The following SLC25A48 variants were observed in gnomAD, a reference collection of about 807,000 sequenced individuals.
SLC25A48 encodes solute carrier family 25 member 48, also known as CTC-321K16.1.
Under a neutral mutation model 32.2 loss-of-function variants are expected in SLC25A48, and 29 were observed. The ratio of observed to expected loss-of-function variants is 0.90; its 90% CI spans 0.67 to 1.23. The LOEUF (loss-of-function observed/expected upper bound fraction) is 1.23, where lower values mean the gene tolerates loss of function less well. Ranked by LOEUF, SLC25A48 falls within the 50% of genes most tolerant of loss-of-function variation. The probability of loss-of-function intolerance (pLI) is 0.00; values close to 1 mark genes in which losing one functional copy is unlikely to be tolerated. For synonymous variants in SLC25A48, 164 were observed against 172.3 expected, an observed-to-expected ratio of 0.95 and a Z score of 0.38; for missense variants, 399 against 422.7, an observed-to-expected ratio of 0.94 and a Z score of 0.49.
intron 3 of SLC25A48, among the ~76,000 whole-genome samples, chr5:135,681,493 A>G (rs1753896576): frequency 6.6e-6 from 1 of 152,146 alleles, no homozygotes; most frequent in South Asian, 2.1e-4. Context: ...AATGGTAATA[A>G]CCTTTTAAAT....
At chr5:135,593,211 G>A (rs1188476465) in intron 1 of SLC25A48, among the ~76,000 whole-genome samples, 1 of 152,110 alleles carries the variant, frequency 6.6e-6, no homozygotes, top group African/African-American at 2.4e-5. Flanking sequence ...GGCTGATGGA[G>A]TCCTCAGTGT....
intron 1 of SLC25A48, among the ~76,000 whole-genome samples, chr5:135,611,522 A>G (rs541583291): frequency 8.3e-5 from 12 of 143,910 alleles, no homozygotes; most frequent in South Asian, 6.6e-4. Context: ...AAAAAAAAAA[A>G]AAAAAGAAAA....
chr5:135,654,641 T>C (rs1753199719), intron 3 of SLC25A48, among the ~76,000 whole-genome samples: 1 of 152,244 alleles, frequency 6.6e-6, no homozygotes, highest in Non-Finnish European at 1.5e-5. Context: ...TTGGCTGTGC[T>C]ACACTACCCA....
intron 6 of SLC25A48, chr5:135,875,231 A>G (rs541598633): frequency 5.9e-5 from 9 of 152,634 alleles, no homozygotes; most frequent in Non-Finnish European, 1.2e-4. Context: ...GTCCGCTGCC[A>G]TTCCCAGGAT....
chr5:135,668,600 C>T (rs1753577214), intron 3 of SLC25A48, among the ~76,000 whole-genome samples: 1 of 152,162 alleles, frequency 6.6e-6, no homozygotes. Context: ...TGATGTTTTC[C>T]TTGAAGGACT....
At chr5:135,642,293 TAGAGC>T (rs1271332379) in intron 3 of SLC25A48, among the ~76,000 whole-genome samples, 2 of 152,190 alleles carry the variant, frequency 1.3e-5, no homozygotes, top group Non-Finnish European at 2.9e-5. Flanking sequence ...AAGGCAAAGG[TAGAGC>T]TTGGGATGAA....
At chr5:135,653,714 C>T (rs1042128880) in intron 3 of SLC25A48, 1 of 432,814 alleles carries the variant, frequency 2.3e-6, no homozygotes, top group South Asian at 1.7e-5. Flanking sequence ...TCTCCACTCC[C>T]CATAAGCTTC....
intron 3 of SLC25A48, among the ~76,000 whole-genome samples, chr5:135,731,986 A>G (rs1323743280): frequency 1.3e-5 from 2 of 152,264 alleles, no homozygotes; most frequent in African/African-American, 4.8e-5. Context: ...TTTGGGGTGC[A>G]GTCCAAGTTG....
chr5:135,789,765 T>G lies in SLC25A48; in HGVS notation c.-520-22758T>G, dbSNP rs1580882523. 2.6e-5 allele frequency among the ~76,000 whole-genome samples: 4 copies of G among 152,138 alleles called. No homozygotes were observed. In the South Asian group the frequency reaches 8.3e-4, roughly 31 times the overall value. On this transcript the variant is annotated intron_variant, in intron 3 of 10. Transcript: ENST00000646290. ...GGATAGCCTGGTATTACTTCTCGATTGTACCTTGCGATATGGGGAGTAAAA... is the reference window on the plus strand; with the variant it reads ...GGATAGCCTGGTATTACTTCTCGATGGTACCTTGCGATATGGGGAGTAAAA...
chr5:135,786,722 A>G (rs1756857683), intron 3 of SLC25A48, among the ~76,000 whole-genome samples: 1 of 151,688 alleles, frequency 6.6e-6, no homozygotes, highest in African/African-American at 2.4e-5. Context: ...TGTTTGTAAT[A>G]TCCTGGCGAG....
chr5:135,742,288 C>A (rs1755517362), intron 3 of SLC25A48, among the ~76,000 whole-genome samples: 1 of 152,164 alleles, frequency 6.6e-6, no homozygotes, highest in African/African-American at 2.4e-5. Flanking sequence ...GCCATGTTGG[C>A]CAGGCTGATC....
chr5:135,805,641 C>A (rs1334044559), intron 3 of SLC25A48, among the ~76,000 whole-genome samples: 1 of 151,380 alleles, frequency 6.6e-6, no homozygotes, highest in Non-Finnish European at 1.5e-5. Flanking sequence ...AGATATTGCT[C>A]CTAATATCAC....
intron 3 of SLC25A48, among the ~76,000 whole-genome samples, chr5:135,777,068 G>T (rs370586689): frequency 6.6e-6 from 1 of 151,618 alleles, no homozygotes; most frequent in Non-Finnish European, 1.5e-5. Context: ...TCCCAATATC[G>T]CAGGGGTTGT....
intron 3 of SLC25A48, chr5:135,650,265 C>T (rs1753075305): frequency 2.6e-6 from 1 of 383,828 alleles, no homozygotes; most frequent in Middle Eastern, 7.4e-4. Flanking sequence ...ACACTGTAGA[C>T]AATTGCTACT....
At chr5:135,841,074 A>G (rs1437667131) in intron 1 of SLC25A48, among the ~76,000 whole-genome samples, 1 of 152,188 alleles carries the variant, frequency 6.6e-6, no homozygotes, top group Non-Finnish European at 1.5e-5. Flanking sequence ...ATCCTTGCCA[A>G]CAGTTCTTTT....
chr5:135,875,782 G>A (rs1182091158), intron 6 of SLC25A48: 1 of 152,212 alleles, frequency 6.6e-6, no homozygotes, highest in East Asian at 1.9e-4. Flanking sequence ...AAGTACAGTG[G>A]GTAGAATAAG....
intron 3 of SLC25A48, among the ~76,000 whole-genome samples, chr5:135,636,972 G>A (rs570695045): frequency 2.1e-4 from 28 of 130,558 alleles, no homozygotes; most frequent in African/African-American, 4.0e-4. Context: ...GTGGGTATCC[G>A]TTACGAGTAG....
Position 135,615,702 on chromosome 5 carries a change from A to G in SLC25A48, c.-848-13535A>G, listed in dbSNP as rs558934297. On this transcript the variant is annotated intron_variant, in intron 1 of 10. Transcript: ENST00000646290. ...AATTCAAGCCAGCTGCATAGTTTGC[A>G]TAACTGAAGTTTGCATAACTGAAGT... Among the ~76,000 whole-genome samples, 6 of 152,062 alleles carry G rather than the reference A, an allele frequency of 3.9e-5. No individual in the cohort carries two copies. The South Asian group carries it at 8.3e-4, about 21-fold the overall frequency.
At chr5:135,702,351 G>A (rs182457180) in intron 3 of SLC25A48, among the ~76,000 whole-genome samples, 1 of 152,234 alleles carries the variant, frequency 6.6e-6, no homozygotes, top group East Asian at 1.9e-4. Flanking sequence ...TGAAGACACA[G>A]AGACACAGGG....
Sources: allele counts gnomAD v4.1 joint callset (sites outside exome capture counted in the v4.1 genomes callset), GRCh38; gene constraint gnomAD v4.1.1; transcripts MANE v1.5; gene names NCBI Gene and HGNC (gene_info 2026-07-23, HGNC 2026-07-21).